Variants in CDH13 observed in about 807,000 individuals in gnomAD.
The protein encoded by CDH13 is cadherin 13, also known as cadherin-13.
CDH13 carries 24 observed loss-of-function variants against 63.8 expected under a neutral mutation model. The observed-to-expected ratio is 0.38, with a 90% CI of 0.27 to 0.53. The LOEUF (loss-of-function observed/expected upper bound fraction) is 0.53, where lower values mean the gene tolerates loss of function less well. Ranked by LOEUF, CDH13 falls within the 20% of genes least tolerant of loss-of-function variation. The probability of loss-of-function intolerance (pLI) is 0.85; values close to 1 mark genes in which losing one functional copy is unlikely to be tolerated. For synonymous variants in CDH13, 503 were observed against 355.3 expected, an observed-to-expected ratio of 1.42 and a Z score of -4.67; for missense variants, 1,049 against 903.1, an observed-to-expected ratio of 1.16 and a Z score of -2.07.
intron 1 of CDH13, among the ~76,000 whole-genome samples, chr16:82,832,187 A>G (rs1314297122): frequency 6.6e-6 from 1 of 152,160 alleles, no homozygotes; most frequent in Admixed American, 6.5e-5. Flanking sequence ...CACGTATTGA[A>G]AATAAGATTT....
chr16:83,110,229 T>A (rs1207342070), intron 3 of CDH13, among the ~76,000 whole-genome samples: 3 of 152,220 alleles, frequency 2.0e-5, no homozygotes, highest in Non-Finnish European at 4.4e-5. Flanking sequence ...AGATCTCACG[T>A]TCTGATCACT....
intron 10 of CDH13, among the ~76,000 whole-genome samples, chr16:83,737,258 C>G (rs1911626652): frequency 6.6e-6 from 1 of 152,178 alleles, no homozygotes. Flanking sequence ...CTGTTAGACT[C>G]AAGTTCCTTG....
chr16:83,132,253 G>A (rs980358349), intron 4 of CDH13, among the ~76,000 whole-genome samples: 4 of 152,032 alleles, frequency 2.6e-5, no homozygotes, highest in Non-Finnish European at 5.9e-5. Context: ...CAGACTCAGG[G>A]TTACTTGCTG....
chr16:83,718,164 G>T (rs1012815262), intron 10 of CDH13, among the ~76,000 whole-genome samples: 3 of 152,176 alleles, frequency 2.0e-5, no homozygotes, highest in Non-Finnish European at 4.4e-5. Context: ...TGGGACAGGA[G>T]AGGAACACAG....
In CDH13 at chr16:83,047,001, A is replaced by G. The variant is rs910671984; in HGVS notation, c.366+14783A>G. 1.3e-5 allele frequency among the ~76,000 whole-genome samples: 2 copies of G among 152,186 alleles called. No homozygotes were observed. Among genetic ancestry groups the G allele is most frequent in the African/African-American group, 2.4e-5 (1 of 41,452 alleles). The stretch of plus-strand genomic sequence containing the variant: ...AATCAGATGGTTTCCTCAACTGTCT[A>G]TCTTTCTGCAGCAAATCCTTTGACA... On this transcript the variant is annotated intron_variant, in intron 3 of 13. Transcript: ENST00000567109. This position sits in a 1 kb window ranked among gnomAD's most constrained non-coding sequence, Gnocchi z 4.9.
At chr16:83,519,145 G>C (rs1161109799) in intron 7 of CDH13, among the ~76,000 whole-genome samples, 1 of 152,166 alleles carries the variant, frequency 6.6e-6, no homozygotes, top group Non-Finnish European at 1.5e-5. Context: ...GGACACACTG[G>C]AAATTTGAGG....
intron 8 of CDH13, among the ~76,000 whole-genome samples, chr16:83,656,975 A>C (rs1249675416): frequency 6.6e-6 from 1 of 152,238 alleles, no homozygotes; most frequent in Non-Finnish European, 1.5e-5. Flanking sequence ...ATTAAAGGAC[A>C]GGCTGATGCC....
chr16:82,879,851 G>A, intron 2 of CDH13, among the ~76,000 whole-genome samples: 1 of 139,742 alleles, frequency 7.2e-6, no homozygotes, highest in African/African-American at 2.6e-5. Flanking sequence ...TTATATTTGT[G>A]AATATATAAT....
chr16:83,403,067 C>A lies in CDH13; in HGVS notation c.781+58061C>A, dbSNP rs139053874. Among the ~76,000 whole-genome samples the A allele has an allele frequency of 2.1e-3, 315 of 152,278 alleles. 1 individual carries two copies. Among genetic ancestry groups the A allele is most frequent in the African/African-American group, 7.2e-3 (298 of 41,560 alleles). ...TCAGCTGCTTCTGAAGCCCAAGGGGCAAACTGGTTACCTAGCAACCACATA... is the reference window on the plus strand; with the variant it reads ...TCAGCTGCTTCTGAAGCCCAAGGGGAAAACTGGTTACCTAGCAACCACATA... On this transcript the variant is annotated intron_variant, in intron 6 of 13. Coordinates refer to ENST00000567109, the MANE Select transcript of CDH13 (RefSeq NM_001257.5).
intron 6 of CDH13, among the ~76,000 whole-genome samples, chr16:83,349,599 T>C (rs1367359713): frequency 6.6e-6 from 1 of 151,610 alleles, no homozygotes; most frequent in Non-Finnish European, 1.5e-5. Flanking sequence ...TTATTATTAT[T>C]ATTATTATTA....
At chr16:82,934,004 G>C (rs2042585997) in intron 2 of CDH13, among the ~76,000 whole-genome samples, 1 of 152,182 alleles carries the variant, frequency 6.6e-6, no homozygotes, top group Admixed American at 6.5e-5. Context: ...AGCTGTCCAT[G>C]GATCTACCAT....
At chr16:83,686,273 TC>T (rs1904314611) in intron 10 of CDH13, among the ~76,000 whole-genome samples, 1 of 152,230 alleles carries the variant, frequency 6.6e-6, no homozygotes, top group Admixed American at 6.5e-5. Context: ...TTGTCCATCT[TC>T]CCACGAGACT....
At chr16:83,760,073 T>G (rs1394980518) in intron 11 of CDH13, among the ~76,000 whole-genome samples, 1 of 151,980 alleles carries the variant, frequency 6.6e-6, no homozygotes, top group Non-Finnish European at 1.5e-5. Context: ...GAAAAGATGC[T>G]CAACTTAATT....
chr16:83,148,286 G>C (rs981658883), intron 4 of CDH13, among the ~76,000 whole-genome samples: 14 of 152,166 alleles, frequency 9.2e-5, no homozygotes, highest in Non-Finnish European at 1.5e-4. Flanking sequence ...AGGCACAGAG[G>C]CTGAGACAAC....
At chr16:83,062,928 C>G (rs1016405957) in intron 3 of CDH13, among the ~76,000 whole-genome samples, 1 of 151,114 alleles carries the variant, frequency 6.6e-6, no homozygotes, top group Non-Finnish European at 1.5e-5. Context: ...TTGTCTCCCT[C>G]ATAGCTAATC....
At chr16:83,654,896 C>T (rs751079072) in intron 8 of CDH13, 2 of 152,290 alleles carry the variant, frequency 1.3e-5, no homozygotes, top group African/African-American at 2.4e-5. Flanking sequence ...CCAGGTACTA[C>T]TCCTCCAGGC....
intron 2 of CDH13, among the ~76,000 whole-genome samples, chr16:82,899,824 A>G (rs1252055885): frequency 6.6e-6 from 1 of 152,168 alleles, no homozygotes; most frequent in African/African-American, 2.4e-5. Flanking sequence ...GTATAATGGG[A>G]TTGAGAAGTA....
intron 2 of CDH13, among the ~76,000 whole-genome samples, chr16:82,999,409 C>T (rs1021272099): frequency 2.6e-5 from 4 of 152,132 alleles, no homozygotes; most frequent in Admixed American, 6.5e-5. Flanking sequence ...CCCTTCAGTT[C>T]TCTTAACAGG....
At chr16:82,698,536 T>C (rs1169704227) in intron 1 of CDH13, among the ~76,000 whole-genome samples, 1 of 152,224 alleles carries the variant, frequency 6.6e-6, no homozygotes, top group East Asian at 1.9e-4. Context: ...TGAGGTGGGC[T>C]TTGCTCCGTG....
Sources: gnomAD v4.1 joint callset for allele counts (sites outside exome capture counted in the v4.1 genomes callset) on GRCh38, gnomAD v4.1.1 for gene constraint, Gnocchi (gnomAD v3.1) non-coding constraint, MANE v1.5 for transcripts, NCBI Gene and HGNC (gene_info 2026-07-23, HGNC 2026-07-21) for gene names.